The following IL1RAPL1 variants were observed in gnomAD, a reference collection of about 807,000 sequenced individuals.
IL1RAPL1 encodes the protein interleukin 1 receptor accessory protein like 1, also known as interleukin-1 receptor accessory protein-like 1.
Under a neutral mutation model 48.4 loss-of-function variants are expected in IL1RAPL1, and 3 were observed. The observed-to-expected ratio is 0.06, with a 90% CI of 0.03 to 0.16. The LOEUF is 0.16. Among genes scored for constraint, IL1RAPL1 ranks in the 10% least tolerant of loss-of-function variants. The pLI, the probability that IL1RAPL1 is intolerant of heterozygous loss-of-function variation, is 1.00. For synonymous variants in IL1RAPL1, 185 were observed against 187.7 expected (o/e 0.99, Z 0.12); for missense variants, 349 against 530.6 (o/e 0.66, Z 3.36).
intron 6 of IL1RAPL1, among the ~76,000 whole-genome samples, chrX:29,805,282 C>T (rs781481222): frequency 2.7e-5 from 3 of 111,683 alleles, no homozygotes; most frequent in Non-Finnish European, 5.6e-5. Flanking sequence ...CTCATCATTT[C>T]ACTCAGATAA....
chrX:29,947,315 A>G, intron 9 of IL1RAPL1, among the ~76,000 whole-genome samples: 1 of 111,765 alleles, frequency 8.9e-6, no homozygotes, highest in Non-Finnish European at 1.9e-5. Context: ...TTCAGAGTGT[A>G]AAATGGTTTT....
chrX:29,111,160 A>G (rs59037046), intron 2 of IL1RAPL1, among the ~76,000 whole-genome samples: 26,138 of 110,367 alleles, frequency 0.24, 2,921 homozygotes, highest in African/African-American at 0.43. Flanking sequence ...GAATAGTACC[A>G]ATGTTTTGAA....
chrX:29,273,499 C>T (rs1324230564), intron 2 of IL1RAPL1, among the ~76,000 whole-genome samples: 2 of 111,712 alleles, frequency 1.8e-5, no homozygotes, highest in Non-Finnish European at 3.8e-5. Flanking sequence ...TAAGATCTTG[C>T]TGTACTGGAG....
At chrX:29,343,824 A>G (rs1190784999) in intron 3 of IL1RAPL1, among the ~76,000 whole-genome samples, 2 of 111,201 alleles carry the variant, frequency 1.8e-5, no homozygotes, top group African/African-American at 3.3e-5. Flanking sequence ...TTAGTGAGAA[A>G]CTCTTCTTAA....
chrX:28,939,377 T>C (rs1336968100), intron 2 of IL1RAPL1, among the ~76,000 whole-genome samples: 1 of 111,210 alleles, frequency 9.0e-6, no homozygotes, highest in African/African-American at 3.3e-5. Context: ...TCATGTCTTT[T>C]GCAGAAACTA....
chrX:29,417,585 T>C (rs1394464138), intron 5 of IL1RAPL1, among the ~76,000 whole-genome samples: 1 of 112,139 alleles, frequency 8.9e-6, no homozygotes, highest in Non-Finnish European at 1.9e-5. Flanking sequence ...CTCCAACATA[T>C]CCACCAGGAA....
chrX:29,889,664 A>G (rs899888659), intron 6 of IL1RAPL1, among the ~76,000 whole-genome samples: 1 of 111,399 alleles, frequency 9.0e-6, no homozygotes, highest in African/African-American at 3.3e-5. Context: ...GCGTATTTCT[A>G]TATATTCATG....
At chrX:29,169,183 A>G (rs1403167999) in intron 2 of IL1RAPL1, among the ~76,000 whole-genome samples, 1 of 109,184 alleles carries the variant, frequency 9.2e-6, no homozygotes, top group Non-Finnish European at 1.9e-5. Context: ...ATATCTAGTA[A>G]TGGGATTGCT....
chrX:29,176,538 G>A (rs1457765047), intron 2 of IL1RAPL1, among the ~76,000 whole-genome samples: 2 of 110,735 alleles, frequency 1.8e-5, no homozygotes, highest in Non-Finnish European at 3.8e-5. Context: ...ACTTACTATG[G>A]ATGGTTACCT....
intron 6 of IL1RAPL1, among the ~76,000 whole-genome samples, chrX:29,813,969 T>A (rs1218143783): frequency 8.9e-6 from 1 of 111,836 alleles, no homozygotes; most frequent in Non-Finnish European, 1.9e-5. Flanking sequence ...ATGCACCACA[T>A]TTTCTTTATC....
At chrX:29,384,042 C>T (rs912230532) in intron 3 of IL1RAPL1, among the ~76,000 whole-genome samples, 3 of 111,617 alleles carry the variant, frequency 2.7e-5, no homozygotes, top group Non-Finnish European at 5.7e-5. Context: ...TTTCTTTTAC[C>T]TCATGGGAGA....
chrX:29,334,682 G>A (rs1932953827), intron 3 of IL1RAPL1, among the ~76,000 whole-genome samples: 3 of 112,466 alleles, frequency 2.7e-5, no homozygotes, highest in African/African-American at 9.7e-5. Flanking sequence ...CAGACAGGGC[G>A]GCGGGGCAGA....
intron 2 of IL1RAPL1, among the ~76,000 whole-genome samples, chrX:28,897,201 G>T (rs759298109): frequency 1.0e-5 from 1 of 96,056 alleles, no homozygotes; most frequent in Non-Finnish European, 2.1e-5. Flanking sequence ...AAGGGGTAGA[G>T]ACACGGAGAG....
intron 6 of IL1RAPL1, among the ~76,000 whole-genome samples, chrX:29,769,420 CCAAA>C (rs1465456200): frequency 3.6e-4 from 31 of 86,235 alleles, no homozygotes; most frequent in African/African-American, 1.4e-3. Context: ...TGAGGGACTG[CCAAA>C]CAGTTTTTTT....
At chrX:28,900,797 C>T (rs2147326114) in intron 2 of IL1RAPL1, among the ~76,000 whole-genome samples, 1 of 111,690 alleles carries the variant, frequency 9.0e-6, no homozygotes, top group South Asian at 3.7e-4. Context: ...AAACAACCAG[C>T]TTTACCTTAT....
intron 2 of IL1RAPL1, among the ~76,000 whole-genome samples, chrX:29,257,839 G>A (rs757607991): frequency 8.1e-5 from 9 of 111,272 alleles, no homozygotes; most frequent in Non-Finnish European, 1.3e-4. Context: ...ATTAGTCCCG[G>A]GGGAATTTAT....
intron 3 of IL1RAPL1, among the ~76,000 whole-genome samples, chrX:29,364,545 C>T (rs1030535699): frequency 4.4e-5 from 4 of 90,540 alleles, no homozygotes; most frequent in African/African-American, 1.4e-4. Context: ...CCTGGGCTAC[C>T]GAGTGGGACT....
At chrX:29,309,314 G>C (rs1932671970) in intron 3 of IL1RAPL1, among the ~76,000 whole-genome samples, 1 of 111,045 alleles carries the variant, frequency 9.0e-6, no homozygotes, top group East Asian at 2.8e-4. Flanking sequence ...GGGAAGGTCG[G>C]TCAGGGTGAT....
intron 5 of IL1RAPL1, among the ~76,000 whole-genome samples, chrX:29,453,431 C>A (rs1047744751): frequency 9.0e-6 from 1 of 111,450 alleles, no homozygotes; most frequent in Non-Finnish European, 1.9e-5. Flanking sequence ...CATACATAAT[C>A]GGATTTTTTA....
Sources: gnomAD v4.1 joint callset for allele counts (sites outside exome capture counted in the v4.1 genomes callset) on GRCh38, gnomAD v4.1.1 for gene constraint, MANE v1.5 for transcripts, NCBI Gene and HGNC (gene_info 2026-07-23, HGNC 2026-07-21) for gene names.